The following CNTN4 variants were observed in gnomAD, a reference collection of about 807,000 sequenced individuals.
CNTN4 encodes the protein contactin 4.
Under a neutral mutation model 122.5 loss-of-function variants are expected in CNTN4, and 77 were observed. That is an observed-to-expected ratio of 0.63 (90% confidence interval 0.52 to 0.76). The LOEUF is 0.76. Ranked by LOEUF, CNTN4 falls within the 30% of genes least tolerant of loss-of-function variation. The probability of loss-of-function intolerance (pLI) is 0.00; values close to 1 mark genes in which losing one functional copy is unlikely to be tolerated. For missense variants in CNTN4, 1,256 were observed against 1,259.1 expected, an observed-to-expected ratio of 1.00 and a Z score of 0.04; for synonymous variants, 512 against 447.0, an observed-to-expected ratio of 1.15 and a Z score of -1.83.
At chr3:2,612,107 TACACACACACACACAC>T (rs58025362) in intron 4 of CNTN4, among the ~76,000 whole-genome samples, 4 of 150,104 alleles carry the variant, frequency 2.7e-5, no homozygotes, top group Non-Finnish European at 4.4e-5. Flanking sequence ...ATACATATAA[TACACACACACACACAC>T]ACACACACAC....
At chr3:3,004,708 C>CAT (rs1255385579) in intron 14 of CNTN4, among the ~76,000 whole-genome samples, 1 of 152,218 alleles carries the variant, frequency 6.6e-6, no homozygotes, top group East Asian at 1.9e-4. Flanking sequence ...CACCAGCACT[C>CAT]AAATAGTTAC....
chr3:2,742,143 A>G (rs1171838342), intron 5 of CNTN4, among the ~76,000 whole-genome samples: 1 of 152,122 alleles, frequency 6.6e-6, no homozygotes, highest in Non-Finnish European at 1.5e-5. Context: ...AGGGGGAAGA[A>G]CAAGTAGAAG....
intron 4 of CNTN4, among the ~76,000 whole-genome samples, chr3:2,594,337 T>C (rs1372787899): frequency 1.3e-5 from 2 of 152,324 alleles, no homozygotes; most frequent in East Asian, 1.9e-4. Context: ...AAAAATTCTT[T>C]CCATTTAGTA....
At chr3:2,187,285 A>G (rs2149315968) in intron 2 of CNTN4, among the ~76,000 whole-genome samples, 1 of 152,276 alleles carries the variant, frequency 6.6e-6, no homozygotes, top group Non-Finnish European at 1.5e-5. Flanking sequence ...CCATTGATCT[A>G]TATCTCTGTT....
Position 2,452,818 on chromosome 3 carries a change from T to C in CNTN4, c.-89+113585T>C, listed in dbSNP as rs575347210. On this transcript the variant is annotated intron_variant, in intron 3 of 24. Coordinates refer to ENST00000418658, the MANE Select transcript of CNTN4 (RefSeq NM_175607.3). ...AGATCATAAAAAATACAAAACAATG[T>C]CAGGGAAAGGGAATATCAAAGCCCA... 2.7e-4 allele frequency among the ~76,000 whole-genome samples: 41 copies of C among 152,138 alleles called. No individual in the cohort carries two copies. In the South Asian group the frequency reaches 8.3e-3, roughly 31 times the overall value.
At chr3:2,206,153 A>T (rs1344093509) in intron 2 of CNTN4, among the ~76,000 whole-genome samples, 1 of 152,068 alleles carries the variant, frequency 6.6e-6, no homozygotes, top group Non-Finnish European at 1.5e-5. Context: ...TTATTGAAAC[A>T]AGGCTATTTT....
chr3:2,792,148 C>T (rs2092032732), intron 6 of CNTN4, among the ~76,000 whole-genome samples: 2 of 152,170 alleles, frequency 1.3e-5, no homozygotes, highest in East Asian at 1.9e-4. Context: ...TAGTTAAAGT[C>T]ACACTCATGC....
At chr3:2,819,055 G>A (rs77309919) in intron 6 of CNTN4, among the ~76,000 whole-genome samples, 9,661 of 152,032 alleles carry the variant, frequency 0.064, 994 homozygotes, top group African/African-American at 0.22. Flanking sequence ...GAGGTCTTGG[G>A]CAGGTCACTT....
chr3:2,453,117 T>C (rs917769402), intron 3 of CNTN4, among the ~76,000 whole-genome samples: 3 of 152,004 alleles, frequency 2.0e-5, no homozygotes, highest in African/African-American at 4.8e-5. Flanking sequence ...TAATGATAAA[T>C]GACAGTGACC....
At chr3:2,152,990 T>A (rs2125413450) in intron 2 of CNTN4, among the ~76,000 whole-genome samples, 1 of 152,292 alleles carries the variant, frequency 6.6e-6, no homozygotes, top group Admixed American at 6.5e-5. Context: ...CCATGGAGCC[T>A]GCTTTAGATT....
intron 7 of CNTN4, among the ~76,000 whole-genome samples, chr3:2,849,995 C>CT (rs1211955882): frequency 1.2e-4 from 17 of 146,176 alleles, no homozygotes; most frequent in Non-Finnish European, 1.6e-4. Flanking sequence ...ACTTTTTTTT[C>CT]TTTTTTTTTT....
chr3:2,752,622 A>T (rs963576346), intron 6 of CNTN4, among the ~76,000 whole-genome samples: 1 of 152,166 alleles, frequency 6.6e-6, no homozygotes, highest in Non-Finnish European at 1.5e-5. Context: ...AAGTGCTGGG[A>T]TTACAGGCGT....
intron 3 of CNTN4, among the ~76,000 whole-genome samples, chr3:2,568,629 C>T (rs1172573690): frequency 1.3e-5 from 2 of 152,180 alleles, no homozygotes; most frequent in African/African-American, 4.8e-5. Context: ...TCGTATCCTG[C>T]ACCAGAGTCC....
At chr3:3,012,217 C>G (rs1462515609) in intron 14 of CNTN4, among the ~76,000 whole-genome samples, 2 of 152,180 alleles carry the variant, frequency 1.3e-5, no homozygotes, top group South Asian at 4.1e-4. Flanking sequence ...ATGGTACAGG[C>G]ATCTATCTTT....
At chr3:2,174,575 A>C (rs1483023671) in intron 2 of CNTN4, among the ~76,000 whole-genome samples, 2 of 152,164 alleles carry the variant, frequency 1.3e-5, no homozygotes, top group African/African-American at 2.4e-5. Flanking sequence ...TTCCACCCTC[A>C]TGATCTAATC....
intron 10 of CNTN4, among the ~76,000 whole-genome samples, chr3:2,888,224 G>A (rs971962001): frequency 6.6e-6 from 1 of 152,166 alleles, no homozygotes; most frequent in African/African-American, 2.4e-5. Context: ...TGGCTAAGGG[G>A]GGGCCCAGAG....
At chr3:2,121,885 A>C (rs962214016) in intron 2 of CNTN4, among the ~76,000 whole-genome samples, 2 of 152,016 alleles carry the variant, frequency 1.3e-5, no homozygotes, top group African/African-American at 4.8e-5. Flanking sequence ...TGTATTTTAA[A>C]ATTATTTTTC....
chr3:2,440,897 G>A (rs2048415967), intron 3 of CNTN4, among the ~76,000 whole-genome samples: 1 of 145,398 alleles, frequency 6.9e-6, no homozygotes, highest in African/African-American at 2.5e-5. Context: ...ATATATACAT[G>A]TATATAACAA....
chr3:2,894,810 A>G (rs1173709983), intron 10 of CNTN4, among the ~76,000 whole-genome samples: 3 of 152,202 alleles, frequency 2.0e-5, no homozygotes, highest in African/African-American at 4.8e-5. Context: ...AGCCTTTTTG[A>G]AAATCCACAT....
Sources: allele counts gnomAD v4.1 joint callset (sites outside exome capture counted in the v4.1 genomes callset), GRCh38; gene constraint gnomAD v4.1.1; transcripts MANE v1.5; gene names NCBI Gene and HGNC (gene_info 2026-07-23, HGNC 2026-07-21).